Variants in OSBPL2 observed in about 807,000 individuals in gnomAD.
OSBPL2 encodes oxysterol-binding protein-related protein 2.
OSBPL2 carries 18 observed loss-of-function variants against 58.4 expected under a neutral mutation model. The ratio of observed to expected loss-of-function variants is 0.31; its 90% CI spans 0.21 to 0.46. The LOEUF is 0.46. OSBPL2 is among the 20% of genes least tolerant of loss of function. OSBPL2 has a pLI of 1.00. For missense variants in OSBPL2, 461 were observed against 616.5 expected (o/e 0.75, Z 2.67); for synonymous variants, 221 against 234.1 (o/e 0.94, Z 0.51).
At chr20:62,275,098 A>G (rs1360484449) in intron 6 of OSBPL2, among the ~76,000 whole-genome samples, 5 of 152,126 alleles carry the variant, frequency 3.3e-5, no homozygotes, top group African/African-American at 1.2e-4. Context: ...AATACCTGCA[A>G]CTCAGGAGGC....
At chr20:62,290,033 G>A (rs1004910717) in intron 12 of OSBPL2, among the ~76,000 whole-genome samples, 7 of 152,306 alleles carry the variant, frequency 4.6e-5, no homozygotes, top group African/African-American at 1.4e-4. Flanking sequence ...GTGAGGATCC[G>A]TGTAGCCATC....
rs1231830678 is a variant in OSBPL2, at chr20:62,256,229, A to G, written c.37+8A>G. ...TCTTTGATGCCGTCACAGGTGAGTC[A>G]AAAGAGAACCAACTGGGGACGTACT... On this transcript the variant is annotated splice_region_variant and intron_variant, in intron 2 of 13. Coordinates refer to ENST00000313733, the MANE Select transcript of OSBPL2 (RefSeq NM_144498.4). 6.2e-7 allele frequency: 1 copy of G among 1,613,098 alleles called. No individual in the cohort carries two copies. Among genetic ancestry groups the G allele is most frequent in the African/African-American group, 1.3e-5 (1 of 74,894 alleles).
intron 1 of OSBPL2, among the ~76,000 whole-genome samples, chr20:62,248,835 G>T (rs957480248): frequency 6.6e-6 from 1 of 152,022 alleles, no homozygotes; most frequent in East Asian, 1.9e-4. Context: ...GGACTTATAG[G>T]CACGTGCCAC....
intron 12 of OSBPL2, among the ~76,000 whole-genome samples, chr20:62,290,419 T>TTTG (rs1983422073): frequency 7.4e-6 from 1 of 135,570 alleles, no homozygotes; most frequent in Non-Finnish European, 1.6e-5. Flanking sequence ...GGGTTTTTTT[T>TTTG]TTTTTTTTTT....
At chr20:62,246,278 T>C (rs1361089957) in intron 1 of OSBPL2, among the ~76,000 whole-genome samples, 1 of 152,172 alleles carries the variant, frequency 6.6e-6, no homozygotes, top group Admixed American at 6.5e-5. Context: ...TGAAGTGAAG[T>C]CAATTCAGCT....
At chr20:62,273,163 A>C in intron 5 of OSBPL2, 146 bp from the exon 6 acceptor site, 1 of 664,802 alleles carries the variant, frequency 1.5e-6, no homozygotes, top group Non-Finnish European at 2.6e-6. Context: ...CTATAATCTC[A>C]GACACACTGC....
chr20:62,279,532 G>C, intron 7 of OSBPL2, 193 bp downstream of exon 7: 1 of 596,114 alleles, frequency 1.7e-6, no homozygotes, highest in Non-Finnish European at 2.9e-6. Flanking sequence ...GCGTCCTCAC[G>C]TCTGCAGTTG....
intron 4 of OSBPL2, among the ~76,000 whole-genome samples, chr20:62,265,515 G>A (rs1981606312): frequency 6.6e-6 from 1 of 152,112 alleles, no homozygotes; most frequent in Non-Finnish European, 1.5e-5. Flanking sequence ...CCATTCACTG[G>A]GTAATGGTGT....
intron 2 of OSBPL2, among the ~76,000 whole-genome samples, chr20:62,256,656 G>A (rs781298493): frequency 4.7e-4 from 71 of 152,206 alleles, no homozygotes; most frequent in Admixed American, 9.8e-4. Flanking sequence ...TTAAAGTGGC[G>A]GCATGCAGCC....
intron 10 of OSBPL2, chr20:62,284,409 C>T (rs1982984966): frequency 2.1e-6 from 1 of 486,588 alleles, no homozygotes; most frequent in South Asian, 2.2e-5. Context: ...CAGGGTCTCC[C>T]TCTGTTGCCC....
chr20:62,260,603 C>T (rs1334607335), intron 3 of OSBPL2, among the ~76,000 whole-genome samples: 1 of 152,156 alleles, frequency 6.6e-6, no homozygotes, highest in African/African-American at 2.4e-5. Flanking sequence ...CGTTTAATTT[C>T]CTTGTTGTAG....
intron 6 of OSBPL2, among the ~76,000 whole-genome samples, chr20:62,275,793 A>G (rs1185631920): frequency 6.6e-6 from 1 of 152,128 alleles, no homozygotes; most frequent in Non-Finnish European, 1.5e-5. Flanking sequence ...CTTTCATAAA[A>G]TAATGGTGTG....
intron 1 of OSBPL2, chr20:62,255,098 CT>C (rs11479147): frequency 0.55 from 73,397 of 134,200 alleles, 20,404 homozygotes; most frequent in African/African-American, 0.78. Flanking sequence ...GCCCCCATGA[CT>C]TTTTTTTTTT....
Position 62,295,711 on chromosome 20 carries a change from T to G in OSBPL2, c.*1824T>G, listed in dbSNP as rs1983822556. On this transcript the variant is annotated 3_prime_UTR_variant, in exon 14 of 14. Transcript: ENST00000313733. This position sits in a 1 kb window ranked among gnomAD's most constrained non-coding sequence, Gnocchi z 4.8. Reference sequence around the variant, plus strand: ...GAATGTGGAGCCCAGGTGCCTCTGGTGGAGGGTCATCTGCTTTTCCAGACT... The same window carrying G: ...GAATGTGGAGCCCAGGTGCCTCTGGGGGAGGGTCATCTGCTTTTCCAGACT... 6.6e-6 allele frequency: 1 copy of G among 152,100 alleles called. No individual in the cohort carries two copies. The highest frequency in any genetic ancestry group is 6.6e-5 in the Admixed American group (1 of 15,264). 9.4% of individuals were successfully genotyped at this position (152,100 alleles called of 1,614,324 possible).
In OSBPL2 at chr20:62,281,095, T is replaced by C; in HGVS notation, c.712T>C (p.Cys238Arg). The change falls in exon 8 of 14, where the codon TGC becomes CGC. Residue 238 changes from cysteine to arginine, a missense_variant. Coordinates refer to ENST00000313733, the MANE Select transcript of OSBPL2 (RefSeq NM_144498.4). ...CTACACCTGGACCAACCCCACCTGC[T>C]GCGTCCACAACGTCATCATCGGGAA... ...EAYTWTNPTC[C>R]VHNVIIGKLW... The C allele has an allele frequency of 6.2e-7, 1 of 1,614,196 alleles. No individual in the cohort carries two copies. The highest frequency in any genetic ancestry group is 1.1e-5 in the South Asian group (1 of 91,084).
chr20:62,242,440 C>CT (rs1317367469), intron 1 of OSBPL2: 7 of 152,194 alleles, frequency 4.6e-5, no homozygotes, highest in Non-Finnish European at 1.5e-5. Flanking sequence ...TGGAAGTGAG[C>CT]TTTTATAAGG....
chr20:62,249,849 C>T (rs1305951677), intron 1 of OSBPL2, among the ~76,000 whole-genome samples: 2 of 152,260 alleles, frequency 1.3e-5, no homozygotes, highest in African/African-American at 4.8e-5. Flanking sequence ...GCTGGGATTA[C>T]AGGCCTGAGC....
At chr20:62,284,373 C>CT in intron 10 of OSBPL2, 1 of 550,472 alleles carries the variant, frequency 1.8e-6, no homozygotes, top group South Asian at 2.2e-5. Flanking sequence ...TATTTCTTTC[C>CT]ATTTTTTTTT....
At chr20:62,248,700 A>ATTTATTTT (rs1296353751) in intron 1 of OSBPL2, among the ~76,000 whole-genome samples, 1 of 151,272 alleles carries the variant, frequency 6.6e-6, no homozygotes, top group East Asian at 1.9e-4. Context: ...TTATTTATTT[A>ATTTATTTT]TTTTTTAAGA....
Sources: gnomAD v4.1 joint callset for allele counts (sites outside exome capture counted in the v4.1 genomes callset) on GRCh38, gnomAD v4.1.1 for gene constraint, Gnocchi (gnomAD v3.1) non-coding constraint, MANE v1.5 for transcripts, NCBI Gene and HGNC (gene_info 2026-07-23, HGNC 2026-07-21) for gene names.